The following NDST3 variants were observed in gnomAD, a reference collection of about 807,000 sequenced individuals.
NDST3 encodes the protein bifunctional heparan sulfate N-deacetylase/N-sulfotransferase 3.
Under a neutral mutation model 96.1 loss-of-function variants are expected in NDST3, and 58 were observed. The ratio of observed to expected loss-of-function variants is 0.60; its 90% CI spans 0.49 to 0.75. The LOEUF (loss-of-function observed/expected upper bound fraction) is 0.75. Among genes scored for constraint, NDST3 ranks in the 30% least tolerant of loss-of-function variants. NDST3 has a pLI of 0.00. For synonymous variants in NDST3, 333 were observed against 359.7 expected, an observed-to-expected ratio of 0.93 and a Z score of 0.84; for missense variants, 788 against 1,034.2, an observed-to-expected ratio of 0.76 and a Z score of 3.27.
At chr4:118,075,656 G>A (rs552710781) in intron 2 of NDST3, among the ~76,000 whole-genome samples, 4 of 152,192 alleles carry the variant, frequency 2.6e-5, no homozygotes, top group South Asian at 2.1e-4. Context: ...TAGTGATGAT[G>A]AGCATTTTTT....
intron 10 of NDST3, among the ~76,000 whole-genome samples, chr4:118,238,155 A>AAAGAAAGAAAGAAAG (rs1740772122): frequency 1.1e-5 from 1 of 91,198 alleles, no homozygotes; most frequent in Non-Finnish European, 2.3e-5. Flanking sequence ...GAAAAGAAAG[A>AAAGAAAGAAAGAAAG]AAAGAAAGAA....
At chr4:118,247,630 G>T (rs968280071) in intron 12 of NDST3, among the ~76,000 whole-genome samples, 15 of 152,126 alleles carry the variant, frequency 9.9e-5, no homozygotes, top group African/African-American at 3.6e-4. Context: ...GCAATGGGCT[G>T]CAAAAATATG....
intron 8 of NDST3, among the ~76,000 whole-genome samples, chr4:118,229,139 A>G (rs1346381249): frequency 2.0e-5 from 3 of 152,056 alleles, no homozygotes; most frequent in Non-Finnish European, 4.4e-5. Context: ...CGTCACTACT[A>G]AAAATACAAA....
chr4:118,061,622 C>T lies in NDST3; in HGVS notation c.981+6731C>T, dbSNP rs181698054. The stretch of plus-strand genomic sequence containing the variant: ...GCAAAAATAATTGTGGTTTTTGCCA[C>T]TACTTTGTTATTTGGACTATTAAAA... On this transcript the variant is annotated intron_variant, in intron 2 of 13. Transcript: ENST00000296499. Among the ~76,000 whole-genome samples, 31 of 152,198 alleles carry T rather than the reference C, an allele frequency of 2.0e-4. 1 individual carries two copies. Among genetic ancestry groups the T allele is most frequent in the Admixed American group, 1.7e-3 (26 of 15,276 alleles).
chr4:118,084,293 T>G (rs1265181132), intron 2 of NDST3, among the ~76,000 whole-genome samples: 1 of 152,228 alleles, frequency 6.6e-6, no homozygotes, highest in Non-Finnish European at 1.5e-5. Flanking sequence ...AGTAATCATT[T>G]TACTATCTAT....
intron 4 of NDST3, among the ~76,000 whole-genome samples, chr4:118,116,659 C>A (rs568438288): frequency 2.6e-5 from 4 of 152,210 alleles, no homozygotes; most frequent in African/African-American, 9.6e-5. Flanking sequence ...AGATCGAGAC[C>A]ATCCTGGCTA....
At chr4:118,086,428 C>G (rs969902506) in intron 2 of NDST3, among the ~76,000 whole-genome samples, 3 of 151,868 alleles carry the variant, frequency 2.0e-5, no homozygotes, top group Non-Finnish European at 4.4e-5. Context: ...TTTTTCAGTA[C>G]CCCTAACATC....
chr4:118,089,894 C>T (rs889571967), intron 2 of NDST3, among the ~76,000 whole-genome samples: 1 of 151,886 alleles, frequency 6.6e-6, no homozygotes, highest in African/African-American at 2.4e-5. Context: ...AAAAGAATAT[C>T]TTGTCAAAGA....
At chr4:118,148,329 T>C (rs1042100807) in intron 6 of NDST3, among the ~76,000 whole-genome samples, 2 of 152,170 alleles carry the variant, frequency 1.3e-5, no homozygotes, top group African/African-American at 4.8e-5. Context: ...TACACTTGCT[T>C]GGAATTCAGG....
chr4:118,217,254 G>C (rs888105702), intron 6 of NDST3, among the ~76,000 whole-genome samples: 7 of 152,052 alleles, frequency 4.6e-5, no homozygotes, highest in African/African-American at 1.7e-4. Flanking sequence ...AAGTTGGCTG[G>C]TTTGCCCTGA....
At chr4:118,124,498 G>A (rs1025915958) in intron 4 of NDST3, among the ~76,000 whole-genome samples, 29 of 152,140 alleles carry the variant, frequency 1.9e-4, no homozygotes, top group South Asian at 6.2e-4. Flanking sequence ...ATTGAGGCAC[G>A]GTGAATTTGC....
intron 2 of NDST3, among the ~76,000 whole-genome samples, chr4:118,096,190 C>T (rs1729284989): frequency 6.6e-6 from 1 of 151,912 alleles, no homozygotes; most frequent in African/African-American, 2.4e-5. Context: ...TCCCACAGCA[C>T]TCTGATTCTT....
At chr4:118,200,972 G>A (rs1036556076) in intron 6 of NDST3, among the ~76,000 whole-genome samples, 6 of 152,002 alleles carry the variant, frequency 3.9e-5, no homozygotes, top group East Asian at 1.9e-4. Context: ...AGTGTCTATC[G>A]TTCTAATATT....
At chr4:118,099,378 C>T (rs1309729095) in intron 2 of NDST3, among the ~76,000 whole-genome samples, 2 of 152,084 alleles carry the variant, frequency 1.3e-5, no homozygotes, top group Non-Finnish European at 2.9e-5. Flanking sequence ...CTGTACTTAG[C>T]AAATTCCTAG....
chr4:118,160,841 T>C (rs1735059314), intron 6 of NDST3, among the ~76,000 whole-genome samples: 1 of 152,116 alleles, frequency 6.6e-6, no homozygotes, highest in African/African-American at 2.4e-5. Flanking sequence ...CGGAGTAGTT[T>C]GATCGTCTGA....
intron 6 of NDST3, among the ~76,000 whole-genome samples, chr4:118,202,055 T>C (rs561034769): frequency 1.3e-5 from 2 of 152,356 alleles, no homozygotes; most frequent in South Asian, 4.1e-4. Flanking sequence ...GCTTTCCCCA[T>C]GGCTTGTTTT....
chr4:118,088,534 A>G (rs1728614044), intron 2 of NDST3, among the ~76,000 whole-genome samples: 1 of 152,084 alleles, frequency 6.6e-6, no homozygotes, highest in African/African-American at 2.4e-5. Flanking sequence ...ATACCTGAAG[A>G]AACAACACTT....
intron 6 of NDST3, among the ~76,000 whole-genome samples, chr4:118,185,344 C>T (rs1478565929): frequency 6.6e-6 from 1 of 151,622 alleles, no homozygotes; most frequent in Non-Finnish European, 1.5e-5. Flanking sequence ...ATTTAGTTCA[C>T]TTTAACAGGA....
At chr4:118,236,897 TTC>T in intron 9 of NDST3, 147 bp from the exon 10 acceptor site, 2 of 518,932 alleles carry the variant, frequency 3.9e-6, no homozygotes, top group Non-Finnish European at 6.4e-6. Flanking sequence ...CTAGATATTT[TTC>T]TCTTCCTAAC....
Sources: gnomAD v4.1 joint callset for allele counts (sites outside exome capture counted in the v4.1 genomes callset) on GRCh38, gnomAD v4.1.1 for gene constraint, MANE v1.5 for transcripts, NCBI Gene and HGNC (gene_info 2026-07-23, HGNC 2026-07-21) for gene names.